Variants in UNK observed in about 807,000 individuals in gnomAD.
UNK encodes the protein unk zinc finger, also known as RING finger protein unkempt homolog.
In UNK, 32 loss-of-function variants were observed where a neutral mutation model predicts 97.6. That is an observed-to-expected ratio of 0.33 (90% confidence interval 0.25 to 0.44). The LOEUF (loss-of-function observed/expected upper bound fraction) is 0.44, where lower values mean the gene tolerates loss of function less well. Among genes scored for constraint, UNK ranks in the 20% least tolerant of loss-of-function variants. The pLI is 1.00. For missense variants in UNK, 771 were observed against 1,098.4 expected (o/e 0.70, Z 4.21); for synonymous variants, 441 against 461.2 (o/e 0.96, Z 0.56).
intron 1 of UNK, among the ~76,000 whole-genome samples, chr17:75,804,968 T>C (rs9900702): frequency 0.12 from 18,015 of 150,760 alleles, 2,141 homozygotes; most frequent in East Asian, 0.38. Context: ...CTAAGGCGGG[T>C]GGATCACGAG....
At chr17:75,806,351 T>G (rs1314295085) in intron 1 of UNK, among the ~76,000 whole-genome samples, 1 of 151,288 alleles carries the variant, frequency 6.6e-6, no homozygotes, top group Non-Finnish European at 1.5e-5. Context: ...CTCAGCTACT[T>G]GGGAGGCTGA....
In UNK at chr17:75,824,461, G is replaced by A. The variant is rs558453627; in HGVS notation, c.*44G>A. The A allele has an allele frequency of 8.2e-6, 11 of 1,340,406 alleles. No individual in the cohort carries two copies. Among genetic ancestry groups the A allele is most frequent in the East Asian group, 3.1e-5 (1 of 32,644 alleles). 83.0% of individuals were successfully genotyped at this position (1,340,406 alleles called of 1,614,324 possible). A position where few individuals can be genotyped will look rare whatever the true frequency, so the allele number is the denominator to read the frequency against. On this transcript the variant is annotated 3_prime_UTR_variant, in exon 16 of 16. Transcript: ENST00000589666. This position sits in a 1 kb window ranked among gnomAD's most constrained non-coding sequence, Gnocchi z 4.9. ...GCCTGGCCCAGATCTTCTCACCTAG[G>A]ACTTTTTAAAGTATATATATATATA...
At chr17:75,786,841 G>C (rs1470990669) in intron 1 of UNK, among the ~76,000 whole-genome samples, 5 of 151,990 alleles carry the variant, frequency 3.3e-5, no homozygotes, top group Admixed American at 3.3e-4. Context: ...TGAGCGACAA[G>C]AGCAAAACTC....
chr17:75,806,977 G>A (rs143176534), intron 1 of UNK, among the ~76,000 whole-genome samples: 5 of 152,344 alleles, frequency 3.3e-5, no homozygotes, highest in Admixed American at 6.5e-5. Flanking sequence ...TGATCTGTGA[G>A]AGCCCTGCCA....
intron 15 of UNK, 112 bp downstream of exon 15, chr17:75,823,634 G>A (rs2062090472): frequency 7.2e-7 from 1 of 1,385,664 alleles, no homozygotes; most frequent in Admixed American, 2.9e-5. Context: ...GAGAGCCTCT[G>A]CCCAGCACTG....
In UNK at chr17:75,793,554, T is replaced by G. The variant is rs2061780445; in HGVS notation, c.104+8570T>G. On this transcript the variant is annotated intron_variant, in intron 1 of 15. Coordinates refer to ENST00000589666, the MANE Select transcript of UNK (RefSeq NM_001080419.3). Reference sequence around the variant, plus strand: ...TCTGTGAGGTGACCTTTTTTCCTGTTGGTGGCTCAATTTCTTTAGGACATA... The same window carrying G: ...TCTGTGAGGTGACCTTTTTTCCTGTGGGTGGCTCAATTTCTTTAGGACATA... 17 of 985,266 alleles carry G rather than the reference T, an allele frequency of 1.7e-5. No homozygotes were observed. The South Asian group carries it at 7.0e-4, about 41-fold the overall frequency. The allele number at this position is 985,266 out of a possible 1,614,324, so 61.0% of individuals were successfully genotyped here.
Position 75,802,242 on chromosome 17 carries a change from C to CTTTTTTTT in UNK, c.105-7491_105-7484dup, listed in dbSNP as rs56221993. The stretch of plus-strand genomic sequence containing the variant: ...TGATGGATTTTTTCAGCACAGATGT[C>CTTTTTTTT]TTTTTTTTTTTTTTTTTTTTTTTTT... On this transcript the variant is annotated intron_variant, in intron 1 of 15. Coordinates refer to ENST00000589666, the MANE Select transcript of UNK (RefSeq NM_001080419.3). Among the ~76,000 whole-genome samples, 20 of 47,260 alleles carry CTTTTTTTT rather than the reference C, an allele frequency of 4.2e-4. 5 individuals carry two copies. Among genetic ancestry groups the CTTTTTTTT allele is most frequent in the African/African-American group, 1.3e-3 (14 of 11,074 alleles). The allele number at this position is 47,260 out of a possible 152,430, so 31.0% of individuals were successfully genotyped here.
intron 1 of UNK, among the ~76,000 whole-genome samples, chr17:75,797,052 C>G (rs983242247): frequency 6.6e-6 from 1 of 152,126 alleles, no homozygotes. Flanking sequence ...CCTTTGGATA[C>G]TACAAATAAT....
intron 1 of UNK, among the ~76,000 whole-genome samples, chr17:75,786,857 C>T (rs1264231837): frequency 2.0e-5 from 3 of 151,728 alleles, no homozygotes; most frequent in African/African-American, 7.3e-5. Flanking sequence ...AACTCCGTCT[C>T]AAAAAACAGA....
At chr17:75,797,683 G>A (rs1046362206) in intron 1 of UNK, among the ~76,000 whole-genome samples, 10 of 152,236 alleles carry the variant, frequency 6.6e-5, no homozygotes, top group Admixed American at 6.5e-4. Flanking sequence ...GTGACACTAA[G>A]TGGCCAGGAG....
intron 1 of UNK, among the ~76,000 whole-genome samples, chr17:75,804,708 C>T (rs527895625): frequency 1.3e-5 from 2 of 151,330 alleles, no homozygotes; most frequent in Non-Finnish European, 2.9e-5. Context: ...GGTGTGGTCA[C>T]GGGCACCTGT....
At position 75,818,136 on chromosome 17, in the gene UNK, A is replaced by G. The variant is rs2062033601; in HGVS notation, c.1339A>G (p.Ser447Gly). Residue 447 changes from serine to glycine, a missense_variant, in exon 10 of 16, where the codon AGT becomes GGT. By Grantham distance (56) the Ser-to-Gly change is moderately conservative. Coordinates refer to ENST00000589666, the MANE Select transcript of UNK (RefSeq NM_001080419.3). This position sits in a 1 kb window ranked among gnomAD's most constrained non-coding sequence, Gnocchi z 5.1. ...AAAACCCCACTCATTAGAGCCCAGG[A>G]GTCAAGAGCAGCCTCTGCTTCAGCC... ...KLKPHSLEPR[S>G]QEQPLLQPKQ... 2 of 1,613,358 alleles carry G rather than the reference A, an allele frequency of 1.2e-6. No individual in the cohort carries two copies. The highest frequency in any genetic ancestry group is 8.5e-7 in the Non-Finnish European group (1 of 1,179,768).
In UNK at chr17:75,817,918, G is replaced by T. The variant is rs1418516210; in HGVS notation, c.1306-185G>T. Among the ~76,000 whole-genome samples the T allele has an allele frequency of 1.3e-5, 2 of 152,038 alleles. No individual in the cohort carries two copies. The highest frequency in any genetic ancestry group is 2.9e-5 in the Non-Finnish European group (2 of 67,974). Reference sequence around the variant, plus strand: ...TAGTGTCACCGGGAGGAGAAGGGCAGCTCCCTGCTTAGGGTAGGGGAAGGG... The same window carrying T: ...TAGTGTCACCGGGAGGAGAAGGGCATCTCCCTGCTTAGGGTAGGGGAAGGG... On this transcript the variant is annotated intron_variant, in intron 9 of 15. Coordinates refer to ENST00000589666, the MANE Select transcript of UNK (RefSeq NM_001080419.3). This position sits in a 1 kb window ranked among gnomAD's most constrained non-coding sequence, Gnocchi z 5.8.
At chr17:75,821,670 CAAGG>C in intron 13 of UNK, 1 of 456,646 alleles carries the variant, frequency 2.2e-6, no homozygotes, top group Non-Finnish European at 4.4e-6. Context: ...GGAAAGGGAG[CAAGG>C]AAGAAGTCAC....
chr17:75,813,763 C>G lies in UNK; in HGVS notation c.761C>G (p.Ser254Trp), dbSNP rs766279266. 3.2e-6 allele frequency: 5 copies of G among 1,583,700 alleles called. 1 individual carries two copies. In the South Asian group the frequency reaches 5.8e-5, roughly 18 times the overall value. Residue 254 changes from serine to tryptophan, a missense_variant and splice_region_variant, in exon 6 of 16, where the codon TCG becomes TGG. This residue lies in a region of UNK where 246 missense variants were observed against 440.7 expected (regional missense o/e 0.56). Coordinates refer to ENST00000589666, the MANE Select transcript of UNK (RefSeq NM_001080419.3). ...RRSPRKHKYRSSPCPNVKHGD... is the reference protein window; with the variant it reads ...RRSPRKHKYRWSPCPNVKHGD... ...GACCCCACCCTCTTGTTGGCCAGGT[C>G]GTCTCCATGTCCAAACGTCAAGCAC... is the stretch of plus-strand genomic sequence containing the variant.
In UNK at chr17:75,824,429, TG is replaced by T; in HGVS notation, c.*14del. ...CCCTCCAGTCGTGACCCTGCAGGCCTGGCCCAGCCTGGCCCAGATCTTCTCA... is the reference window on the plus strand; with the variant it reads ...CCCTCCAGTCGTGACCCTGCAGGCCTGCCCAGCCTGGCCCAGATCTTCTCA... On this transcript the variant is annotated 3_prime_UTR_variant, in exon 16 of 16. Coordinates refer to ENST00000589666, the MANE Select transcript of UNK (RefSeq NM_001080419.3). This position sits in a 1 kb window ranked among gnomAD's most constrained non-coding sequence, Gnocchi z 4.9. 1 of 1,455,586 alleles carries T rather than the reference TG, an allele frequency of 6.9e-7. No homozygotes were observed. Among genetic ancestry groups the T allele is most frequent in the Non-Finnish European group, 9.0e-7 (1 of 1,105,796 alleles). 90.2% of individuals were successfully genotyped at this position (1,455,586 alleles called of 1,614,324 possible). A position where few individuals can be genotyped will look rare whatever the true frequency, so the allele number is the denominator to read the frequency against.
At position 75,809,844 on chromosome 17, in the gene UNK, C is replaced by T. The variant is rs776726982; in HGVS notation, c.189C>T (p.His63=). The T allele has an allele frequency of 6.2e-7, 1 of 1,613,834 alleles. No homozygotes were observed. The highest frequency in any genetic ancestry group is 8.5e-7 in the Non-Finnish European group (1 of 1,179,872). Reference sequence around the variant, plus strand: ...AGCATCGGCCCTACACCTGCTTCCACTGGCACTTCGTGAACCAGCGGCGCC... The same window carrying T: ...AGCATCGGCCCTACACCTGCTTCCATTGGCACTTCGTGAACCAGCGGCGCC... ...CTQHRPYTCF[H]WHFVNQRRRR... The change falls in exon 2 of 16, where the codon CAC becomes CAT. Residue 63 remains histidine, a synonymous_variant. Coordinates refer to ENST00000589666, the MANE Select transcript of UNK (RefSeq NM_001080419.3).
chr17:75,819,240 C>T lies in UNK; in HGVS notation c.1546+424C>T. 1 of 230,292 alleles carries T rather than the reference C, an allele frequency of 4.3e-6. No individual in the cohort carries two copies. The highest frequency in any genetic ancestry group is 8.4e-6 in the Non-Finnish European group (1 of 118,970). The allele number at this position is 230,292 out of a possible 1,614,324, so 14.3% of individuals were successfully genotyped here. A position where few individuals can be genotyped will look rare whatever the true frequency, so the allele number is the denominator to read the frequency against. On this transcript the variant is annotated intron_variant, in intron 11 of 15. Coordinates refer to ENST00000589666, the MANE Select transcript of UNK (RefSeq NM_001080419.3). This position sits in a 1 kb window ranked among gnomAD's most constrained non-coding sequence, Gnocchi z 5.4. ...GGTCCTGTGGCAGGCACTGAGGAGA[C>T]AGATGACAACATGCTGCTCCTGCCC... is the stretch of plus-strand genomic sequence containing the variant.
chr17:75,819,562 G>C lies in UNK; in HGVS notation c.1547-122G>C. On this transcript the variant is annotated intron_variant, in intron 11 of 15. Transcript: ENST00000589666. This position sits in a 1 kb window ranked among gnomAD's most constrained non-coding sequence, Gnocchi z 5.4. The stretch of plus-strand genomic sequence containing the variant: ...GGAAGCAGCTGAAGGAAGGGCACAG[G>C]GGCTTGGGAGAATACGGACCCAGCG... The C allele has an allele frequency of 1.1e-6, 1 of 875,390 alleles. No homozygotes were observed. Among genetic ancestry groups the C allele is most frequent in the Admixed American group, 2.1e-5 (1 of 47,964 alleles). 54.2% of individuals were successfully genotyped at this position (875,390 alleles called of 1,614,324 possible).
Sources: allele counts gnomAD v4.1 joint callset (sites outside exome capture counted in the v4.1 genomes callset), GRCh38; gene constraint gnomAD v4.1.1; regional missense constraint gnomAD v4.1.1; non-coding constraint Gnocchi (gnomAD v3.1); transcripts MANE v1.5; gene names NCBI Gene and HGNC (gene_info 2026-07-23, HGNC 2026-07-21).